TENM4: variants seen among roughly 807,000 people sequenced by gnomAD.
TENM4 encodes teneurin-4.
Under a neutral mutation model 243.3 loss-of-function variants are expected in TENM4, and 82 were observed. The observed-to-expected ratio is 0.34, with a 90% CI of 0.28 to 0.40. TENM4 has a LOEUF of 0.40. Ranked by LOEUF, TENM4 falls within the 10% of genes least tolerant of loss-of-function variation. TENM4 has a pLI of 1.00. For missense variants in TENM4, 3,138 were observed against 3,673.3 expected (o/e 0.85, Z 3.77); for synonymous variants, 1,412 against 1,456.3 (o/e 0.97, Z 0.69).
At chr11:78,855,667 A>G (rs1409232838) in intron 11 of TENM4, among the ~76,000 whole-genome samples, 1 of 152,202 alleles carries the variant, frequency 6.6e-6, no homozygotes. Flanking sequence ...GTCTGATTCT[A>G]AACTGCATGC....
At chr11:79,328,725 C>A (rs1327366792) in intron 1 of TENM4, among the ~76,000 whole-genome samples, 1 of 152,132 alleles carries the variant, frequency 6.6e-6, no homozygotes, top group African/African-American at 2.4e-5. Flanking sequence ...AGTTGGAGAA[C>A]TGAGGGAGAA....
chr11:78,800,240 A>C (rs1310595138), intron 15 of TENM4, among the ~76,000 whole-genome samples: 1 of 152,238 alleles, frequency 6.6e-6, no homozygotes, highest in East Asian at 1.9e-4. Context: ...TGTTCTGCTC[A>C]GCAGTGCTGC....
At chr11:79,297,697 A>C (rs1447863268) in intron 1 of TENM4, among the ~76,000 whole-genome samples, 154 bp from the exon 2 acceptor site, 2 of 152,222 alleles carry the variant, frequency 1.3e-5, no homozygotes, top group Non-Finnish European at 2.9e-5. Flanking sequence ...TAACTAAAAA[A>C]TGAAGTGCAA....
In TENM4 at chr11:79,014,287, G is replaced by A. The variant is rs962871157; in HGVS notation, c.493+50451C>T. ...AGGAACCATGGCCCAGGCACAGCCA[G>A]TTCCCTCTTCCTCCCCACACCTCCC... On this transcript the variant is annotated intron_variant, in intron 6 of 33. Coordinates refer to ENST00000278550, the MANE Select transcript of TENM4 (RefSeq NM_001098816.3). 2.0e-5 allele frequency among the ~76,000 whole-genome samples: 3 copies of A among 152,156 alleles called. No individual in the cohort carries two copies. In the South Asian group the frequency reaches 6.2e-4, roughly 32 times the overall value.
At chr11:79,334,401 C>T (rs561293036) in intron 1 of TENM4, among the ~76,000 whole-genome samples, 23 of 152,326 alleles carry the variant, frequency 1.5e-4, no homozygotes, top group South Asian at 1.4e-3. Flanking sequence ...CAACTTTCAC[C>T]GCAGCCTTCA....
At chr11:78,814,981 C>T (rs958196673) in intron 12 of TENM4, among the ~76,000 whole-genome samples, 14 of 152,198 alleles carry the variant, frequency 9.2e-5, no homozygotes, top group Non-Finnish European at 1.5e-5. Flanking sequence ...CACCCATCAG[C>T]CTAAGTTATT....
intron 1 of TENM4, among the ~76,000 whole-genome samples, chr11:79,373,174 C>T (rs1590918948): frequency 6.6e-6 from 1 of 152,190 alleles, no homozygotes; most frequent in East Asian, 1.9e-4. Flanking sequence ...ATACTCAACG[C>T]CTGTTAGATG....
At chr11:78,901,998 T>C (rs1056593836) in intron 7 of TENM4, among the ~76,000 whole-genome samples, 1 of 152,208 alleles carries the variant, frequency 6.6e-6, no homozygotes, top group African/African-American at 2.4e-5. Context: ...GGCAGTCACA[T>C]GTCCACACTT....
intron 1 of TENM4, among the ~76,000 whole-genome samples, chr11:79,339,350 G>C (rs1349044153): frequency 1.3e-5 from 2 of 152,148 alleles, no homozygotes; most frequent in African/African-American, 4.8e-5. Context: ...GATCAAACTT[G>C]GTAATAGGTC....
chr11:78,800,405 G>A (rs1273268228), intron 15 of TENM4, among the ~76,000 whole-genome samples: 1 of 152,160 alleles, frequency 6.6e-6, no homozygotes, highest in East Asian at 1.9e-4. Flanking sequence ...ACATGATCTA[G>A]GTCTGGGAAG....
chr11:79,236,106 T>A (rs114077965), intron 2 of TENM4, among the ~76,000 whole-genome samples: 1 of 152,116 alleles, frequency 6.6e-6, no homozygotes, highest in Admixed American at 6.5e-5. Flanking sequence ...TGGTACTCAT[T>A]TGGGGAGTGA....
At chr11:79,003,671 G>C (rs1858395592) in intron 6 of TENM4, among the ~76,000 whole-genome samples, 1 of 152,212 alleles carries the variant, frequency 6.6e-6, no homozygotes, top group Non-Finnish European at 1.5e-5. Flanking sequence ...GGAAAGACAA[G>C]ATGGTTACTG....
chr11:79,328,171 G>C (rs1296108998), intron 1 of TENM4, among the ~76,000 whole-genome samples: 1 of 152,236 alleles, frequency 6.6e-6, no homozygotes, highest in Non-Finnish European at 1.5e-5. Context: ...TTTAGGCTCA[G>C]TATTTTGCAT....
At chr11:78,832,613 T>C (rs1468626352) in intron 12 of TENM4, among the ~76,000 whole-genome samples, 4 of 152,270 alleles carry the variant, frequency 2.6e-5, no homozygotes, top group African/African-American at 7.2e-5. Context: ...AAAAATAATA[T>C]TAACATCTAT....
At chr11:78,842,197 C>T (rs1858275008) in intron 12 of TENM4, among the ~76,000 whole-genome samples, 2 of 152,184 alleles carry the variant, frequency 1.3e-5, no homozygotes, top group Admixed American at 1.3e-4. Context: ...AACTAACTTC[C>T]CCTCCTTATT....
intron 2 of TENM4, among the ~76,000 whole-genome samples, chr11:79,295,151 C>A (rs1384199107): frequency 6.6e-6 from 1 of 152,168 alleles, no homozygotes. Context: ...ACGCACAAAC[C>A]CAGTCCTGTT....
chr11:78,900,263 T>C (rs1855898886), intron 7 of TENM4, among the ~76,000 whole-genome samples: 1 of 152,228 alleles, frequency 6.6e-6, no homozygotes. Context: ...TTTTCTCCAT[T>C]TTAGAGATGA....
chr11:78,983,132 C>G (rs980669124), intron 6 of TENM4, among the ~76,000 whole-genome samples: 1 of 152,226 alleles, frequency 6.6e-6, no homozygotes, highest in Non-Finnish European at 1.5e-5. Flanking sequence ...ATAATTCACA[C>G]TTTTTGAGCA....
At chr11:79,172,242 T>C (rs1863061437) in intron 3 of TENM4, among the ~76,000 whole-genome samples, 1 of 151,978 alleles carries the variant, frequency 6.6e-6, no homozygotes, top group Admixed American at 6.6e-5. Context: ...CATGAGTCAA[T>C]GCACCTAGTC....
Sources: allele counts gnomAD v4.1 joint callset (sites outside exome capture counted in the v4.1 genomes callset), GRCh38; gene constraint gnomAD v4.1.1; transcripts MANE v1.5; gene names NCBI Gene and HGNC (gene_info 2026-07-23, HGNC 2026-07-21).